MICAL1: variants seen among roughly 807,000 people sequenced by gnomAD.
MICAL1 encodes the protein [F-actin]-monooxygenase MICAL1.
MICAL1 carries 95 observed loss-of-function variants against 131.8 expected under a neutral mutation model. That is an observed-to-expected ratio of 0.72 (90% confidence interval 0.61 to 0.86). The LOEUF (loss-of-function observed/expected upper bound fraction) is 0.86. MICAL1 is among the 40% of genes least tolerant of loss of function. The probability of loss-of-function intolerance (pLI) is 0.00; values close to 1 mark genes in which losing one functional copy is unlikely to be tolerated. For missense variants in MICAL1, 1,292 were observed against 1,380.6 expected, an observed-to-expected ratio of 0.94 and a Z score of 1.02; for synonymous variants, 546 against 554.2, an observed-to-expected ratio of 0.99 and a Z score of 0.21.
At chr6:109,464,070 T>C (rs1244992550) in intron 1 of MICAL1, 1 of 152,176 alleles carries the variant, frequency 6.6e-6, no homozygotes, top group Admixed American at 6.5e-5. Context: ...CTTTGAAAAG[T>C]TGGTAAAAAC....
intron 6 of MICAL1, 27 bp downstream of exon 6, chr6:109,452,219 G>A: frequency 6.3e-7 from 1 of 1,595,476 alleles, no homozygotes; most frequent in East Asian, 2.2e-5. Context: ...GCAGGGGGAG[G>A]GGAAATTCAG....
At chr6:109,457,235 A>G (rs1176712866), upstream of MICAL1, among the ~76,000 whole-genome samples, 2 of 152,262 alleles carry the variant, frequency 1.3e-5, no homozygotes, top group Admixed American at 1.3e-4. Context: ...GGTCACGCTC[A>G]GAAAACTAGG....
rs1328580162 is a variant in MICAL1 at position 109,455,052 on chromosome 6, C to G, written c.-44+667G>C. ...CCTCCCTGATCGACCCCTACCCCGC[C>G]CCGCCCCCTGTGCGCCCGGGCGCGC... On this transcript the variant is annotated intron_variant, in intron 1 of 24. Coordinates refer to ENST00000358807, the MANE Select transcript of MICAL1 (RefSeq NM_022765.4). This position sits in a 1 kb window ranked among gnomAD's most constrained non-coding sequence, Gnocchi z 4.7. 2.6e-5 allele frequency among the ~76,000 whole-genome samples: 4 copies of G among 152,118 alleles called. No homozygotes were observed. The highest frequency in any genetic ancestry group is 2.6e-4 in the Admixed American group (4 of 15,294).
In MICAL1 at chr6:109,454,220, A is replaced by T; in HGVS notation, c.-24T>A. On this transcript the variant is annotated 5_prime_UTR_variant, in exon 2 of 25. Transcript: ENST00000358807. ...ATGGAGGCCTCCTGGGGAGGGCAGCAGCTGGGCAGAGATGAGTGGCTGGAG... is the reference window on the plus strand; with the variant it reads ...ATGGAGGCCTCCTGGGGAGGGCAGCTGCTGGGCAGAGATGAGTGGCTGGAG... The T allele has an allele frequency of 6.3e-7, 1 of 1,576,978 alleles. No individual in the cohort carries two copies.
upstream of MICAL1, among the ~76,000 whole-genome samples, chr6:109,460,426 A>T (rs956116624): frequency 3.7e-5 from 4 of 107,766 alleles, no homozygotes; most frequent in South Asian, 3.0e-4. Flanking sequence ...GACCCTACGT[A>T]AAAAAAAAAA....
chr6:109,450,173 G>A (rs557885387), intron 8 of MICAL1, 88 bp from the exon 9 acceptor site: 12 of 1,562,238 alleles, frequency 7.7e-6, no homozygotes, highest in South Asian at 3.6e-5. Context: ...CACAGCAGAA[G>A]GGGCCATCCC....
chr6:109,452,226 T>G lies in MICAL1; in HGVS notation c.832+20A>C. On this transcript the variant is annotated intron_variant, in intron 6 of 24. Coordinates refer to ENST00000358807, the MANE Select transcript of MICAL1 (RefSeq NM_022765.4). ...ACAGTCAGGCAGGGGGAGGGGAAAT[T>G]CAGCAAGAGGGTCCCTGACCTGTGG... 2 of 1,596,940 alleles carry G rather than the reference T, an allele frequency of 1.3e-6. No individual in the cohort carries two copies. The highest frequency in any genetic ancestry group is 1.7e-6 in the Non-Finnish European group (2 of 1,168,408).
At chr6:109,450,707 G>A in intron 7 of MICAL1, 150 bp from the exon 8 acceptor site, 1 of 863,160 alleles carries the variant, frequency 1.2e-6, no homozygotes, top group East Asian at 2.7e-5. Context: ...GGCTGAGCTG[G>A]GACTAGAATT....
At chr6:109,445,978 G>T in intron 19 of MICAL1, 116 bp from the exon 20 acceptor site, 1 of 1,498,626 alleles carries the variant, frequency 6.7e-7, no homozygotes. Flanking sequence ...TGTATGTGTT[G>T]GGGCATGGGA....
rs765336804 is a variant in MICAL1, at chr6:109,448,396, G to A, written c.1665-3C>T. ...GCCCCTGCAGCTCTGAGGGTTCCCT[G>A]TGGGATGTCAGGGAGAAAAGCCAAC... On this transcript the variant is annotated splice_region_variant and splice_polypyrimidine_tract_variant and intron_variant, in intron 12 of 24. Transcript: ENST00000358807. 112 of 1,612,976 alleles carry A rather than the reference G, an allele frequency of 6.9e-5. No individual in the cohort carries two copies. The highest frequency in any genetic ancestry group is 1.7e-4 in the Middle Eastern group (1 of 6,060).
rs368296646 is a variant in MICAL1 at position 109,451,603 on chromosome 6, G to A, written c.930C>T (p.Arg310=). The A allele has an allele frequency of 2.0e-4, 316 of 1,613,632 alleles. No homozygotes were observed. Among genetic ancestry groups the A allele is most frequent in the Admixed American group, 1.0e-3 (62 of 59,998 alleles). ...CCTGGCCAGGACTGGGCCTCACCTG[G>A]CGCAGCACCCCCAGCCGCAGCAGGC... ...KQCLLRLGVL[R]QDWPDTNRLL... Residue 310 remains arginine (R), a synonymous_variant, in exon 7 of 25, where the codon CGC becomes CGT. Coordinates refer to ENST00000358807, the MANE Select transcript of MICAL1 (RefSeq NM_022765.4).
chr6:109,452,432 G>A (rs764270173), intron 5 of MICAL1, 31 bp from the exon 6 acceptor site: 1 of 1,612,230 alleles, frequency 6.2e-7, no homozygotes, highest in South Asian at 1.1e-5. Flanking sequence ...ACAATGGCAG[G>A]AGGAGGGGGT....
chr6:109,446,482 G>C, intron 18 of MICAL1, 70 bp from the exon 19 acceptor site: 1 of 1,493,990 alleles, frequency 6.7e-7, no homozygotes, highest in Non-Finnish European at 9.2e-7. Flanking sequence ...GTGAGCCTTG[G>C]CATTCATTCA....
upstream of MICAL1, among the ~76,000 whole-genome samples, chr6:109,460,563 A>G (rs1032037133): frequency 1.4e-5 from 2 of 144,198 alleles, no homozygotes; most frequent in South Asian, 4.6e-4. Flanking sequence ...CCAGTAAGCT[A>G]AAGTCTTTTG....
chr6:109,448,678 T>A (rs1254212765), intron 12 of MICAL1, 54 bp downstream of exon 12: 9 of 1,602,558 alleles, frequency 5.6e-6, no homozygotes, highest in Non-Finnish European at 7.7e-6. Flanking sequence ...CAACTGGATA[T>A]GCTAACTCCT....
At chr6:109,448,143 AC>A in intron 13 of MICAL1, 59 bp downstream of exon 13, 2 of 1,101,460 alleles carry the variant, frequency 1.8e-6, no homozygotes, top group Non-Finnish European at 1.2e-6. Context: ...TCACACACAC[AC>A]ACACACACAC....
rs996450780 is a variant in MICAL1 at position 109,455,706 on chromosome 6, C to G, written c.-44+13G>C. ...GCCGCGGGGCTCGCAGCCGGCTCCG[C>G]TGGACGACTTACCGGCGGCTCCGAA... On this transcript the variant is annotated intron_variant, in intron 1 of 24. Coordinates refer to ENST00000358807, the MANE Select transcript of MICAL1 (RefSeq NM_022765.4). This position sits in a 1 kb window ranked among gnomAD's most constrained non-coding sequence, Gnocchi z 4.7. 3 of 980,682 alleles carry G rather than the reference C, an allele frequency of 3.1e-6. No homozygotes were observed. The African/African-American group carries it at 5.4e-5, about 18-fold the overall frequency. 60.7% of individuals were successfully genotyped at this position (980,682 alleles called of 1,614,324 possible).
upstream of MICAL1, among the ~76,000 whole-genome samples, chr6:109,458,612 G>A (rs1348773768): frequency 6.6e-6 from 1 of 152,122 alleles, no homozygotes; most frequent in Non-Finnish European, 1.5e-5. Flanking sequence ...AGAAAAAAAG[G>A]AGTCCCATTC....
rs1356250965 is a variant in MICAL1 at position 109,455,088 on chromosome 6, A to G, written c.-44+631T>C. 6.6e-6 allele frequency among the ~76,000 whole-genome samples: 1 copy of G among 151,546 alleles called. No homozygotes were observed. ...TGCGCCCGGGCGCGCTCTCCCAGGA[A>G]TCTCCGGAGACAAAGCCTCGCTTTG... On this transcript the variant is annotated intron_variant, in intron 1 of 24. Coordinates refer to ENST00000358807, the MANE Select transcript of MICAL1 (RefSeq NM_022765.4). This position sits in a 1 kb window ranked among gnomAD's most constrained non-coding sequence, Gnocchi z 4.7.
Sources: gnomAD v4.1 joint callset for allele counts (sites outside exome capture counted in the v4.1 genomes callset) on GRCh38, gnomAD v4.1.1 for gene constraint, Gnocchi (gnomAD v3.1) non-coding constraint, MANE v1.5 for transcripts, NCBI Gene and HGNC (gene_info 2026-07-23, HGNC 2026-07-21) for gene names.